CALD1: variants seen among roughly 807,000 people sequenced by gnomAD.
The protein encoded by CALD1 is caldesmon 1, also known as caldesmon.
In CALD1, 33 loss-of-function variants were observed where a neutral mutation model predicts 99.9. The observed-to-expected ratio is 0.33, with a 90% CI of 0.25 to 0.44. The LOEUF (loss-of-function observed/expected upper bound fraction) is 0.44. Among genes scored for constraint, CALD1 ranks in the 20% least tolerant of loss-of-function variants. The pLI, the probability that CALD1 is intolerant of heterozygous loss-of-function variation, is 1.00. For missense variants in CALD1, 861 were observed against 962.1 expected (o/e 0.89, Z 1.39); for synonymous variants, 310 against 325.0 (o/e 0.95, Z 0.50).
intron 2 of CALD1, among the ~76,000 whole-genome samples, chr7:134,866,265 AAAT>A (rs1800797521): frequency 6.6e-6 from 1 of 152,194 alleles, no homozygotes; most frequent in East Asian, 1.9e-4. Flanking sequence ...ATGGTCGATG[AAAT>A]AATAAGAAGG....
intron 1 of CALD1, 41 bp downstream of exon 1, chr7:134,779,790 A>G (rs1350395502): frequency 2.5e-6 from 1 of 398,084 alleles, no homozygotes; most frequent in African/African-American, 2.1e-5. Context: ...TCTAGAGAGA[A>G]TCTGGGGACT....
chr7:134,824,388 A>G (rs1798902583), intron 1 of CALD1, among the ~76,000 whole-genome samples: 1 of 152,198 alleles, frequency 6.6e-6, no homozygotes. Flanking sequence ...GCTCTATTCA[A>G]ACAACAGTGA....
intron 2 of CALD1, among the ~76,000 whole-genome samples, chr7:134,857,640 C>G (rs1196407160): frequency 6.6e-6 from 1 of 152,100 alleles, no homozygotes; most frequent in East Asian, 1.9e-4. Context: ...TATTATTTAT[C>G]TGTAAATATA....
At chr7:134,730,510 G>A in the CALD1 span, among the ~76,000 whole-genome samples, 1 of 152,078 alleles carries the variant, frequency 6.6e-6, no homozygotes, top group Non-Finnish European at 1.5e-5. Flanking sequence ...ACCACACTGT[G>A]GTGCAAGCTC....
rs993998899 is a variant in CALD1, at chr7:134,895,308, G to A, written c.71+27504G>A. ...TGGTTTTATATATGTATGTGTGTGTGTGTGTGTGTGTGTGTGTGTGTGTGT... is the reference window on the plus strand; with the variant it reads ...TGGTTTTATATATGTATGTGTGTGTATGTGTGTGTGTGTGTGTGTGTGTGT... On this transcript the variant is annotated intron_variant, in intron 3 of 14. Coordinates refer to ENST00000361675, the MANE Select transcript of CALD1 (RefSeq NM_033138.4). Among the ~76,000 whole-genome samples, 229 of 136,046 alleles carry A rather than the reference G, an allele frequency of 1.7e-3. 1 individual carries two copies. The highest frequency in any genetic ancestry group is 7.6e-3 in the African/African-American group (219 of 28,964). The allele number at this position is 136,046 out of a possible 152,430, so 89.3% of individuals were successfully genotyped here.
At chr7:134,796,212 C>T (rs1011758492) in intron 1 of CALD1, among the ~76,000 whole-genome samples, 1 of 152,162 alleles carries the variant, frequency 6.6e-6, no homozygotes, top group Non-Finnish European at 1.5e-5. Context: ...GCCTCATGTC[C>T]ACAGCTGATA....
intron 1 of CALD1, among the ~76,000 whole-genome samples, chr7:134,785,744 C>T (rs1305383653): frequency 1.3e-5 from 2 of 152,146 alleles, no homozygotes; most frequent in Non-Finnish European, 2.9e-5. Context: ...AAAACATATG[C>T]TGAACCGATA....
chr7:134,764,117 G>C (rs1443658639), intron 1 of CALD1, among the ~76,000 whole-genome samples: 1 of 151,898 alleles, frequency 6.6e-6, no homozygotes, highest in Non-Finnish European at 1.5e-5. Flanking sequence ...TGGCATTCCT[G>C]GGCATGTGGG....
chr7:134,937,218 G>A (rs538798583), intron 6 of CALD1, among the ~76,000 whole-genome samples: 2 of 152,290 alleles, frequency 1.3e-5, no homozygotes, highest in African/African-American at 2.4e-5. Context: ...CTATACCTAT[G>A]TAGAGTGTCT....
the CALD1 span, among the ~76,000 whole-genome samples, chr7:134,723,929 G>A: frequency 1.3e-5 from 2 of 152,158 alleles, no homozygotes; most frequent in South Asian, 4.1e-4. Flanking sequence ...GATAGAGGAG[G>A]CGTTCAATGG....
Position 134,930,396 on chromosome 7 carries a change from A to G in CALD1, c.218+1496A>G, listed in dbSNP as rs1034442514. ...TTTAATTTAAAACCATGGACTGATT[A>G]TAATGGTTACACTATATAAGATCTC... On this transcript the variant is annotated intron_variant, in intron 4 of 14. Coordinates refer to ENST00000361675, the MANE Select transcript of CALD1 (RefSeq NM_033138.4). Among the ~76,000 whole-genome samples the G allele has an allele frequency of 5.9e-5, 9 of 152,224 alleles. No individual in the cohort carries two copies. In the South Asian group the frequency reaches 1.9e-3, roughly 31 times the overall value.
At chr7:134,944,355 TG>T (rs1716593042) in intron 7 of CALD1, 1 of 151,616 alleles carries the variant, frequency 6.6e-6, no homozygotes, top group African/African-American at 2.4e-5. Flanking sequence ...TGTCAAGAAA[TG>T]GTACTTTGTT....
chr7:134,796,767 T>G (rs1331265317), intron 1 of CALD1, among the ~76,000 whole-genome samples: 2 of 152,074 alleles, frequency 1.3e-5, no homozygotes, highest in Non-Finnish European at 2.9e-5. Flanking sequence ...TGTATTTTTT[T>G]GTAGAGAAGG....
At chr7:134,740,679 C>A (rs1585893331), upstream of CALD1, among the ~76,000 whole-genome samples, 1 of 152,306 alleles carries the variant, frequency 6.6e-6, no homozygotes, top group East Asian at 1.9e-4. Flanking sequence ...AAACTAGAGA[C>A]TACGCAGAGG....
chr7:134,903,545 T>C (rs1483792938), intron 3 of CALD1, among the ~76,000 whole-genome samples: 1 of 152,128 alleles, frequency 6.6e-6, no homozygotes, highest in African/African-American at 2.4e-5. Context: ...CATGCCTCTG[T>C]CCTCACTTCT....
intron 1 of CALD1, among the ~76,000 whole-genome samples, chr7:134,761,103 CAG>C (rs1796772533): frequency 6.6e-6 from 1 of 152,106 alleles, no homozygotes; most frequent in Non-Finnish European, 1.5e-5. Flanking sequence ...TGTGACCAGT[CAG>C]AGATAAATCA....
intron 1 of CALD1, among the ~76,000 whole-genome samples, chr7:134,826,618 CATG>C (rs145433724): frequency 0.015 from 2,256 of 152,080 alleles, 53 homozygotes; most frequent in African/African-American, 0.051. Context: ...CCTAAACTAT[CATG>C]ATAACAGACA....
chr7:134,760,803 A>C (rs185781102), intron 1 of CALD1, among the ~76,000 whole-genome samples: 31 of 152,272 alleles, frequency 2.0e-4, no homozygotes, highest in Admixed American at 1.9e-3. Flanking sequence ...AACAAAACGA[A>C]ACAAAAGAAC....
At chr7:134,777,024 T>C (rs1796923951), upstream of CALD1, among the ~76,000 whole-genome samples, 1 of 152,216 alleles carries the variant, frequency 6.6e-6, no homozygotes, top group African/African-American at 2.4e-5. Context: ...TTGGGAAATA[T>C]ATTTCACAGA....
Sources: gnomAD v4.1 joint callset for allele counts (sites outside exome capture counted in the v4.1 genomes callset) on GRCh38, gnomAD v4.1.1 for gene constraint, MANE v1.5 for transcripts, NCBI Gene and HGNC (gene_info 2026-07-23, HGNC 2026-07-21) for gene names.